ARHGAP42: variants seen among roughly 807,000 people sequenced by gnomAD.
The protein encoded by ARHGAP42 is rho GTPase-activating protein 42.
ARHGAP42 carries 63 observed loss-of-function variants against 125.0 expected under a neutral mutation model. The ratio of observed to expected loss-of-function variants is 0.50; its 90% CI spans 0.41 to 0.62. The LOEUF (loss-of-function observed/expected upper bound fraction) is 0.62, where lower values mean the gene tolerates loss of function less well. Among genes scored for constraint, ARHGAP42 ranks in the 20% least tolerant of loss-of-function variants. The pLI is 0.00. For synonymous variants in ARHGAP42, 339 were observed against 351.0 expected, an observed-to-expected ratio of 0.97 and a Z score of 0.38; for missense variants, 766 against 1,024.2, an observed-to-expected ratio of 0.75 and a Z score of 3.44.
intron 19 of ARHGAP42, among the ~76,000 whole-genome samples, chr11:100,975,125 T>G (rs1858355975): frequency 6.6e-6 from 1 of 152,180 alleles, no homozygotes; most frequent in Non-Finnish European, 1.5e-5. Context: ...TGTTCTCATT[T>G]TATTTTATAC....
chr11:100,742,799 A>G (rs1341570737), intron 1 of ARHGAP42, among the ~76,000 whole-genome samples: 3 of 152,052 alleles, frequency 2.0e-5, no homozygotes, highest in Non-Finnish European at 4.4e-5. Context: ...TGTTGTATTG[A>G]TCCTTTTATC....
chr11:100,815,911 T>C (rs769672777), intron 3 of ARHGAP42, among the ~76,000 whole-genome samples: 1 of 152,234 alleles, frequency 6.6e-6, no homozygotes, highest in Non-Finnish European at 1.5e-5. Flanking sequence ...ATTTGTCTTT[T>C]TGTGACTAGC....
intron 1 of ARHGAP42, among the ~76,000 whole-genome samples, chr11:100,762,088 A>T (rs1209762704): frequency 6.6e-6 from 1 of 152,220 alleles, no homozygotes; most frequent in Admixed American, 6.5e-5. Context: ...TCCGGATCTG[A>T]GCACCTTCAT....
At chr11:100,823,857 G>A (rs938447742) in intron 3 of ARHGAP42, among the ~76,000 whole-genome samples, 4 of 152,066 alleles carry the variant, frequency 2.6e-5, no homozygotes, top group African/African-American at 9.7e-5. Flanking sequence ...TGAAAACAAG[G>A]CATTGCCTCT....
intron 1 of ARHGAP42, among the ~76,000 whole-genome samples, chr11:100,696,122 G>A (rs1166447781): frequency 6.6e-6 from 1 of 152,080 alleles, no homozygotes; most frequent in African/African-American, 2.4e-5. Flanking sequence ...TCCTTGGGAG[G>A]GTGAGGTGGG....
chr11:100,767,494 A>C (rs868776107), intron 1 of ARHGAP42, among the ~76,000 whole-genome samples: 4 of 152,312 alleles, frequency 2.6e-5, no homozygotes, highest in Middle Eastern at 3.4e-3. Flanking sequence ...ATCTCTGTGC[A>C]GGGACAAAAC....
At chr11:100,808,550 C>T (rs1175768561) in intron 3 of ARHGAP42, among the ~76,000 whole-genome samples, 4 of 151,348 alleles carry the variant, frequency 2.6e-5, no homozygotes, top group Non-Finnish European at 5.9e-5. Flanking sequence ...GGACTACAGG[C>T]GCCCGCCACC....
At position 100,922,019 on chromosome 11, in the gene ARHGAP42, A is replaced by G. The variant is rs150473818; in HGVS notation, c.597+415A>G. ...TGGGGGACAGGTGAGCTGAGAGGGC[A>G]TAAGGGAACTTCATTCTTTCCACTC... On this transcript the variant is annotated intron_variant, in intron 6 of 23. Coordinates refer to ENST00000298815, the MANE Select transcript of ARHGAP42 (RefSeq NM_152432.4). Among the ~76,000 whole-genome samples, 21 of 152,264 alleles carry G rather than the reference A, an allele frequency of 1.4e-4. 1 individual carries two copies. In the East Asian group the frequency reaches 3.7e-3, roughly 27 times the overall value.
intron 3 of ARHGAP42, among the ~76,000 whole-genome samples, chr11:100,807,320 T>C (rs1443399333): frequency 2.6e-5 from 4 of 152,050 alleles, no homozygotes; most frequent in Admixed American, 2.6e-4. Context: ...CTCAGCCTCC[T>C]GAGTAGCTGA....
intron 3 of ARHGAP42, among the ~76,000 whole-genome samples, chr11:100,800,138 G>C (rs930085447): frequency 3.3e-5 from 5 of 152,182 alleles, no homozygotes; most frequent in African/African-American, 4.8e-5. Flanking sequence ...ACTGTAAACA[G>C]TAAGCACAGT....
At chr11:100,707,050 G>A (rs1861490909) in intron 1 of ARHGAP42, among the ~76,000 whole-genome samples, 1 of 152,124 alleles carries the variant, frequency 6.6e-6, no homozygotes, top group Non-Finnish European at 1.5e-5. Context: ...ATATTTCAAG[G>A]TTCATCCATA....
chr11:100,751,289 T>G (rs946877139), intron 1 of ARHGAP42, among the ~76,000 whole-genome samples: 5 of 146,210 alleles, frequency 3.4e-5, no homozygotes, highest in African/African-American at 1.3e-4. Flanking sequence ...GTTTTTTTTT[T>G]TTTTTTTTTT....
intron 2 of ARHGAP42, among the ~76,000 whole-genome samples, chr11:100,779,098 T>C (rs1291654001): frequency 6.6e-6 from 1 of 152,132 alleles, no homozygotes; most frequent in Admixed American, 6.6e-5. Context: ...ATTAAACTTT[T>C]ACAGAAATGA....
chr11:100,983,683 A>G (rs1421254132), intron 22 of ARHGAP42, among the ~76,000 whole-genome samples: 1 of 152,204 alleles, frequency 6.6e-6, no homozygotes, highest in Non-Finnish European at 1.5e-5. Flanking sequence ...TTTCAATGGA[A>G]TTGCAATATA....
chr11:100,698,824 G>T (rs958676470), intron 1 of ARHGAP42, among the ~76,000 whole-genome samples: 12 of 152,184 alleles, frequency 7.9e-5, no homozygotes, highest in Non-Finnish European at 1.6e-4. Context: ...CTGTTTGCGG[G>T]AGATTTGGGA....
chr11:100,959,955 G>T lies in ARHGAP42; in HGVS notation c.1225+10G>T, dbSNP rs1419626798. 4 of 1,550,026 alleles carry T rather than the reference G, an allele frequency of 2.6e-6. No homozygotes were observed. Among genetic ancestry groups the T allele is most frequent in the Non-Finnish European group, 3.5e-6 (4 of 1,145,542 alleles). ...GCTGTGGAAACAAGAGGTCAGTGTT[G>T]CCTGATTGGTACAGCATCCCTGTCA... On this transcript the variant is annotated intron_variant, in intron 13 of 23. Coordinates refer to ENST00000298815, the MANE Select transcript of ARHGAP42 (RefSeq NM_152432.4).
At chr11:100,778,250 T>C (rs1863177697) in intron 2 of ARHGAP42, among the ~76,000 whole-genome samples, 1 of 152,150 alleles carries the variant, frequency 6.6e-6, no homozygotes, top group African/African-American at 2.4e-5. Flanking sequence ...GAAAAATTTC[T>C]AAACCAAAGG....
intron 1 of ARHGAP42, among the ~76,000 whole-genome samples, chr11:100,717,919 G>T: frequency 2.3e-5 from 1 of 42,868 alleles, no homozygotes; most frequent in African/African-American, 9.9e-5. Context: ...GCGAGACTCT[G>T]CCTTAAAAAA....
intron 2 of ARHGAP42, among the ~76,000 whole-genome samples, chr11:100,786,908 A>T (rs1863449849): frequency 6.6e-6 from 1 of 152,038 alleles, no homozygotes; most frequent in Non-Finnish European, 1.5e-5. Context: ...AAGAAAGGTG[A>T]TTGGATCATG....
Sources: allele counts gnomAD v4.1 joint callset (sites outside exome capture counted in the v4.1 genomes callset), GRCh38; gene constraint gnomAD v4.1.1; transcripts MANE v1.5; gene names NCBI Gene and HGNC (gene_info 2026-07-23, HGNC 2026-07-21).